Variants in CSMD1 observed in about 807,000 individuals in gnomAD.
CSMD1 encodes the protein CUB and sushi domain-containing protein 1.
CSMD1 carries 213 observed loss-of-function variants against 417.5 expected under a neutral mutation model. The ratio of observed to expected loss-of-function variants is 0.51; its 90% CI spans 0.46 to 0.57. CSMD1 has a LOEUF of 0.57. Ranked by LOEUF, CSMD1 falls within the 20% of genes least tolerant of loss-of-function variation. CSMD1 has a pLI of 0.00. For missense variants in CSMD1, 6,923 were observed against 4,529.7 expected (o/e 1.53, Z -15.17); for synonymous variants, 2,862 against 1,736.8 (o/e 1.65, Z -16.11).
At chr8:4,430,516 A>T (rs1797816191) in intron 2 of CSMD1, among the ~76,000 whole-genome samples, 1 of 152,162 alleles carries the variant, frequency 6.6e-6, no homozygotes, top group African/African-American at 2.4e-5. Context: ...TTTCCTCCTA[A>T]GAAATTACAC....
At chr8:4,344,194 A>C (rs536267735) in intron 3 of CSMD1, among the ~76,000 whole-genome samples, 29 of 152,254 alleles carry the variant, frequency 1.9e-4, no homozygotes, top group African/African-American at 7.0e-4. Context: ...ATTTCTCTGT[A>C]ACCGTCTCCA....
chr8:4,853,650 G>A (rs372102115), intron 1 of CSMD1, among the ~76,000 whole-genome samples: 2 of 152,158 alleles, frequency 1.3e-5, no homozygotes, highest in Admixed American at 6.5e-5. Flanking sequence ...TGTCCCCACT[G>A]GAACACTACC....
chr8:4,242,098 C>G (rs937472553), intron 3 of CSMD1, among the ~76,000 whole-genome samples: 8 of 152,132 alleles, frequency 5.3e-5, no homozygotes, highest in Non-Finnish European at 1.2e-4. Context: ...TTTGCATCAT[C>G]ATGAATTCTC....
At chr8:4,433,553 GCAGACAT>G (rs1387407539) in intron 2 of CSMD1, among the ~76,000 whole-genome samples, 1 of 152,138 alleles carries the variant, frequency 6.6e-6, no homozygotes, top group Non-Finnish European at 1.5e-5. Flanking sequence ...CCTTGTGGAA[GCAGACAT>G]GTGCTGCAAC....
chr8:3,895,247 A>T (rs1230294067), intron 5 of CSMD1, among the ~76,000 whole-genome samples: 1 of 152,224 alleles, frequency 6.6e-6, no homozygotes, highest in Non-Finnish European at 1.5e-5. Context: ...CACTGTGCTT[A>T]CAACAACAAA....
intron 3 of CSMD1, among the ~76,000 whole-genome samples, chr8:4,151,499 A>G (rs879473002): frequency 1.3e-5 from 2 of 152,240 alleles, no homozygotes; most frequent in Non-Finnish European, 2.9e-5. Flanking sequence ...ACAGAAGTGA[A>G]CCAAATGGAA....
chr8:3,289,989 G>C (rs1024890393), intron 25 of CSMD1, among the ~76,000 whole-genome samples: 1 of 147,312 alleles, frequency 6.8e-6, no homozygotes, highest in Non-Finnish European at 1.5e-5. Context: ...AATCCATCTT[G>C]AATTAATTTT....
chr8:3,943,103 T>C (rs1810990628), intron 5 of CSMD1, among the ~76,000 whole-genome samples: 1 of 152,098 alleles, frequency 6.6e-6, no homozygotes, highest in Admixed American at 6.6e-5. Context: ...GGGATTCAAC[T>C]TCGGAATTTA....
intron 1 of CSMD1, among the ~76,000 whole-genome samples, chr8:4,912,890 A>G (rs768924267): frequency 1.3e-5 from 2 of 152,086 alleles, no homozygotes; most frequent in Non-Finnish European, 2.9e-5. Flanking sequence ...GGTTCAAGTA[A>G]TTCTACTGCC....
intron 23 of CSMD1, among the ~76,000 whole-genome samples, chr8:3,314,386 G>A (rs935115182): frequency 6.6e-6 from 1 of 152,110 alleles, no homozygotes; most frequent in Non-Finnish European, 1.5e-5. Context: ...CTGCTGAAGA[G>A]TAGTAACTTT....
At chr8:4,018,241 A>G (rs1373989789) in intron 4 of CSMD1, among the ~76,000 whole-genome samples, 1 of 152,032 alleles carries the variant, frequency 6.6e-6, no homozygotes, top group Non-Finnish European at 1.5e-5. Flanking sequence ...CTGACTTTTT[A>G]TGATTTAAAC....
chr8:4,448,867 TTC>T (rs749066958), intron 2 of CSMD1, among the ~76,000 whole-genome samples: 1 of 152,208 alleles, frequency 6.6e-6, no homozygotes, highest in Admixed American at 6.5e-5. Context: ...GTGTATCCAA[TTC>T]TCTTATTCAC....
At chr8:4,278,582 T>C (rs1002596478) in intron 3 of CSMD1, among the ~76,000 whole-genome samples, 2 of 152,232 alleles carry the variant, frequency 1.3e-5, no homozygotes, top group Admixed American at 1.3e-4. Flanking sequence ...CATATGCCTA[T>C]TTTTAGAAAA....
At chr8:4,671,501 G>T (rs968706913) in intron 1 of CSMD1, among the ~76,000 whole-genome samples, 3 of 152,178 alleles carry the variant, frequency 2.0e-5, no homozygotes, top group Non-Finnish European at 4.4e-5. Flanking sequence ...TAATAGCAGT[G>T]ATGTCGGCAA....
At chr8:3,835,264 C>A (rs535140310) in intron 5 of CSMD1, among the ~76,000 whole-genome samples, 9 of 151,962 alleles carry the variant, frequency 5.9e-5, no homozygotes, top group South Asian at 2.1e-4. Context: ...AAGACACATG[C>A]ACACATATGT....
At chr8:4,732,333 A>G (rs548763267) in intron 1 of CSMD1, among the ~76,000 whole-genome samples, 67 of 124,304 alleles carry the variant, frequency 5.4e-4, no homozygotes, top group Middle Eastern at 4.1e-3. Flanking sequence ...AATAGATTTA[A>G]ATTTCTTCTG....
At chr8:3,006,152 T>G (rs1024436237) in intron 52 of CSMD1, among the ~76,000 whole-genome samples, 4 of 151,390 alleles carry the variant, frequency 2.6e-5, no homozygotes, top group Admixed American at 6.6e-5. Flanking sequence ...AGCCAAATCA[T>G]GAGTGAACTC....
At chr8:3,982,400 G>C (rs1428058243) in intron 5 of CSMD1, among the ~76,000 whole-genome samples, 1 of 151,588 alleles carries the variant, frequency 6.6e-6, no homozygotes, top group African/African-American at 2.4e-5. Context: ...AAAATTAAAT[G>C]AGCTAATATA....
At chr8:3,745,360 A>T (rs1364061890) in intron 6 of CSMD1, among the ~76,000 whole-genome samples, 1 of 152,170 alleles carries the variant, frequency 6.6e-6, no homozygotes, top group Admixed American at 6.5e-5. Flanking sequence ...TACCACTGAG[A>T]CTGAGCTGAC....
Sources: gnomAD v4.1 joint callset for allele counts (sites outside exome capture counted in the v4.1 genomes callset) on GRCh38, gnomAD v4.1.1 for gene constraint, MANE v1.5 for transcripts, NCBI Gene and HGNC (gene_info 2026-07-23, HGNC 2026-07-21) for gene names.